VSTM2A: variants seen among roughly 807,000 people sequenced by gnomAD.
VSTM2A encodes V-set and transmembrane domain containing 2A.
Under a neutral mutation model 27.3 loss-of-function variants are expected in VSTM2A, and 13 were observed. The observed-to-expected ratio is 0.48, with a 90% CI of 0.31 to 0.76. The LOEUF is 0.76. VSTM2A is among the 30% of genes least tolerant of loss of function. The pLI is 0.05. For missense variants in VSTM2A, 280 were observed against 310.0 expected (o/e 0.90, Z 0.73); for synonymous variants, 142 against 125.7 (o/e 1.13, Z -0.87).
intron 4 of VSTM2A, chr7:54,552,205 A>C (rs1788221295): frequency 6.6e-6 from 1 of 152,222 alleles, no homozygotes; most frequent in Non-Finnish European, 1.5e-5. Context: ...ATTCATTAAA[A>C]GTCCTGTTCA....
At position 54,542,719 on chromosome 7, in the gene VSTM2A, T is replaced by C. The variant is rs201272946; in HGVS notation, c.-12T>C. ...GTTGGCTACACTGATGTGACCCCCC[T>C]CCCTTTTTGGAATGATGGGGATCTT... On this transcript the variant is annotated 5_prime_UTR_variant, in exon 1 of 5. Transcript: ENST00000402613. The C allele has an allele frequency of 2.4e-3, 3,893 of 1,612,604 alleles. 6 individuals carry two copies. The highest frequency in any genetic ancestry group is 3.1e-3 in the Non-Finnish European group (3,676 of 1,178,746).
intron 3 of VSTM2A, among the ~76,000 whole-genome samples, chr7:54,548,371 T>G (rs1209761501): frequency 6.6e-6 from 1 of 151,870 alleles, no homozygotes; most frequent in Non-Finnish European, 1.5e-5. Flanking sequence ...TTACCCACTG[T>G]GTGACCTTGA....
At chr7:54,558,404 C>T (rs1053434959) in intron 4 of VSTM2A, 4 of 152,122 alleles carry the variant, frequency 2.6e-5, no homozygotes, top group Admixed American at 2.6e-4. Flanking sequence ...GAGCTGCTCA[C>T]AAAATCTCTC....
At chr7:54,544,840 G>C in intron 2 of VSTM2A, 52 bp downstream of exon 2, 1 of 1,531,454 alleles carries the variant, frequency 6.5e-7, no homozygotes, top group Non-Finnish European at 8.8e-7. Context: ...CGGTCCTCAG[G>C]GTGTCCGGCC....
At position 54,562,872 on chromosome 7, in the gene VSTM2A, C is replaced by T. The variant is rs574904558; in HGVS notation, c.635-6259C>T. Among the ~76,000 whole-genome samples the T allele has an allele frequency of 1.2e-4, 19 of 152,230 alleles. No homozygotes were observed. In the South Asian group the frequency reaches 3.5e-3, roughly 28 times the overall value. The stretch of plus-strand genomic sequence containing the variant: ...AAATTTTGGATTAAAACTACCTATG[C>T]GTGATTAATAAAGAGAATGCTAACG... On this transcript the variant is annotated intron_variant, in intron 4 of 4. Transcript: ENST00000402613.
In VSTM2A at chr7:54,544,782, C is replaced by G. The variant is rs1274898908; in HGVS notation, c.240C>G (p.Gly80=). 1.9e-6 allele frequency: 3 copies of G among 1,605,040 alleles called. No individual in the cohort carries two copies. Among genetic ancestry groups the G allele is most frequent in the Admixed American group, 3.4e-5 (2 of 59,152 alleles). The change falls in exon 2 of 5, where the codon GGC becomes GGG. Residue 80 remains glycine (G), a synonymous_variant. Coordinates refer to ENST00000402613, the MANE Select transcript of VSTM2A (RefSeq NM_001301009.2). ...TGGATCCCGGGGCCGAGGGGGCCGG[C>G]GCGCAGGTAGCGGAGCCCGCCGACC... The part of the protein sequence containing the change: ...EDLDPGAEGA[G]AQVELLPDRD...
At chr7:54,566,220 G>A (rs772910028) in intron 4 of VSTM2A, among the ~76,000 whole-genome samples, 73 of 152,292 alleles carry the variant, frequency 4.8e-4, no homozygotes, top group Non-Finnish European at 8.2e-4. Context: ...TCTTCATCTA[G>A]ACCTGCTGCC....
At chr7:54,549,689 G>A (rs1177676283) in intron 3 of VSTM2A, 145 bp from the exon 4 acceptor site, 22 of 723,376 alleles carry the variant, frequency 3.0e-5, no homozygotes, top group South Asian at 1.4e-4. Flanking sequence ...CAGATGTGAC[G>A]TTAAGGAAAT....
At chr7:54,546,587 C>T (rs1562705232) in intron 2 of VSTM2A, 1 of 191,792 alleles carries the variant, frequency 5.2e-6, no homozygotes, top group African/African-American at 2.4e-5. Flanking sequence ...CACCCACCTC[C>T]GGGCGCGCGT....
intron 4 of VSTM2A, 171 bp downstream of exon 4, chr7:54,550,341 G>A: frequency 1.4e-6 from 2 of 1,452,278 alleles, no homozygotes; most frequent in Non-Finnish European, 1.8e-6. Flanking sequence ...TTCACTCAGA[G>A]CTCAAAGCAT....
At chr7:54,546,816 C>T in intron 2 of VSTM2A, 131 bp from the exon 3 acceptor site, 2 of 1,078,802 alleles carry the variant, frequency 1.9e-6, no homozygotes, top group Middle Eastern at 2.7e-4. Flanking sequence ...GGGGTGGCCA[C>T]GCCCCTGGTC....
chr7:54,544,510 A>C, intron 1 of VSTM2A, 112 bp from the exon 2 acceptor site: 1 of 1,318,976 alleles, frequency 7.6e-7, no homozygotes, highest in Non-Finnish European at 1.1e-6. Flanking sequence ...AGGATGTAAG[A>C]GAGGGGTTTT....
intron 3 of VSTM2A, 23 bp downstream of exon 3, chr7:54,547,020 G>GC: frequency 6.4e-7 from 1 of 1,570,548 alleles, no homozygotes; most frequent in Non-Finnish European, 8.6e-7. Context: ...CGCGCCAAGG[G>GC]CCGCGGGCCC....
intron 4 of VSTM2A, chr7:54,559,457 G>A (rs190282772): frequency 1.4e-4 from 21 of 152,108 alleles, no homozygotes; most frequent in Admixed American, 1.2e-3. Flanking sequence ...AAAATTGATA[G>A]GTATAATCTT....
intron 3 of VSTM2A, 129 bp downstream of exon 3, chr7:54,547,126 T>C: frequency 1.0e-6 from 1 of 983,712 alleles, no homozygotes; most frequent in Non-Finnish European, 1.4e-6. Flanking sequence ...CTTGCCTCAT[T>C]AGATACATAC....
intron 2 of VSTM2A, chr7:54,546,695 G>T: frequency 2.2e-6 from 1 of 448,674 alleles, no homozygotes; most frequent in Non-Finnish European, 4.0e-6. Context: ...ACAGCGCCGG[G>T]ACAGCCCCGG....
chr7:54,557,837 C>T, intron 4 of VSTM2A: 1 of 152,118 alleles, frequency 6.6e-6, no homozygotes, highest in South Asian at 2.1e-4. Context: ...TCTTTACCAC[C>T]TGGTTCTTCT....
intron 4 of VSTM2A, chr7:54,558,043 G>T (rs1334983359): frequency 6.6e-6 from 1 of 152,054 alleles, no homozygotes; most frequent in East Asian, 1.9e-4. Flanking sequence ...TCTTGCCCAA[G>T]GTTGTAACTA....
intron 4 of VSTM2A, among the ~76,000 whole-genome samples, chr7:54,563,074 G>A (rs1313677382): frequency 6.6e-6 from 1 of 152,072 alleles, no homozygotes; most frequent in Non-Finnish European, 1.5e-5. Context: ...TTCTTGGAAA[G>A]GTTTCTGTTT....
Sources: gnomAD v4.1 joint callset for allele counts (sites outside exome capture counted in the v4.1 genomes callset) on GRCh38, gnomAD v4.1.1 for gene constraint, MANE v1.5 for transcripts, NCBI Gene and HGNC (gene_info 2026-07-23, HGNC 2026-07-21) for gene names.